FHIT: variants seen among roughly 807,000 people sequenced by gnomAD.
The protein encoded by FHIT is fragile histidine triad diadenosine triphosphatase.
A neutral mutation model predicts 17.9 loss-of-function variants in FHIT; 19 were observed. That is an observed-to-expected ratio of 1.06 (90% CI 0.74 to 1.56). FHIT has a LOEUF of 1.56. FHIT is among the 40% of genes most tolerant of loss of function. The pLI is 0.00. For synonymous variants in FHIT, 81 were observed against 69.7 expected, an observed-to-expected ratio of 1.16 and a Z score of -0.81; for missense variants, 248 against 189.2, an observed-to-expected ratio of 1.31 and a Z score of -1.82.
At chr3:60,785,738 T>G (rs894004328) in intron 4 of FHIT, among the ~76,000 whole-genome samples, 1 of 152,152 alleles carries the variant, frequency 6.6e-6, no homozygotes, top group Non-Finnish European at 1.5e-5. Context: ...TGATTTCAAT[T>G]CCACTTAAAG....
chr3:60,225,580 G>T lies in FHIT; in HGVS notation c.104-211428C>A, dbSNP rs528394384. ...CAAGACAGTCTGCACGCAGAATGGTGTGAGTAGGTTGTGTGGCTCCTGATG... is the reference window on the plus strand; with the variant it reads ...CAAGACAGTCTGCACGCAGAATGGTTTGAGTAGGTTGTGTGGCTCCTGATG... On this transcript the variant is annotated intron_variant, in intron 5 of 9. Coordinates refer to ENST00000492590, the MANE Select transcript of FHIT (RefSeq NM_002012.4). 2.0e-5 allele frequency among the ~76,000 whole-genome samples: 3 copies of T among 152,346 alleles called. No individual in the cohort carries two copies. In the East Asian group the frequency reaches 5.8e-4, roughly 29 times the overall value.
chr3:59,940,238 T>A (rs1441128329), intron 7 of FHIT, among the ~76,000 whole-genome samples: 1 of 152,226 alleles, frequency 6.6e-6, no homozygotes, highest in Non-Finnish European at 1.5e-5. Flanking sequence ...CAGCTATCAT[T>A]GCTGCTGCCG....
chr3:60,578,516 A>G (rs2037648789), intron 4 of FHIT, among the ~76,000 whole-genome samples: 1 of 151,904 alleles, frequency 6.6e-6, no homozygotes, highest in Non-Finnish European at 1.5e-5. Context: ...TATTCAACCT[A>G]TAGTTTATCA....
chr3:60,712,207 C>G (rs1454126717), intron 4 of FHIT, among the ~76,000 whole-genome samples: 4 of 152,104 alleles, frequency 2.6e-5, no homozygotes, highest in Non-Finnish European at 5.9e-5. Context: ...AAATAAAATC[C>G]TTTACAGACA....
chr3:59,823,654 A>G (rs1286171899), intron 8 of FHIT, among the ~76,000 whole-genome samples: 4 of 152,224 alleles, frequency 2.6e-5, no homozygotes, highest in Non-Finnish European at 2.9e-5. Context: ...GCATTGCTTT[A>G]TGATTAAAAC....
chr3:60,617,987 A>G, intron 4 of FHIT: 1 of 269,020 alleles, frequency 3.7e-6, no homozygotes, highest in Non-Finnish European at 7.5e-6. Context: ...TCAAAGAATT[A>G]GTAAATGCTG....
chr3:61,053,724 T>A (rs11922889), intron 2 of FHIT, among the ~76,000 whole-genome samples: 5 of 152,068 alleles, frequency 3.3e-5, no homozygotes, highest in African/African-American at 9.7e-5. Flanking sequence ...ATAGCTCATA[T>A]GGCCTTGGTA....
At chr3:59,996,394 T>G (rs1699512644) in intron 7 of FHIT, among the ~76,000 whole-genome samples, 1 of 152,074 alleles carries the variant, frequency 6.6e-6, no homozygotes. Context: ...ACTATTTAGT[T>G]GGAAGATAAC....
At chr3:59,925,020 CTCTT>C (rs1261288479) in intron 7 of FHIT, among the ~76,000 whole-genome samples, 2 of 132,278 alleles carry the variant, frequency 1.5e-5, no homozygotes, top group Non-Finnish European at 3.3e-5. Flanking sequence ...TTGTTTTTTC[CTCTT>C]TTTTTTCCTT....
intron 3 of FHIT, among the ~76,000 whole-genome samples, chr3:60,834,690 C>T (rs1702467206): frequency 6.7e-6 from 1 of 149,516 alleles, no homozygotes. Context: ...CCAGTCTCAA[C>T]TAAAAAGAAA....
At chr3:60,090,534 CATATA>C (rs1400557616) in intron 5 of FHIT, among the ~76,000 whole-genome samples, 3 of 152,190 alleles carry the variant, frequency 2.0e-5, no homozygotes, top group Non-Finnish European at 4.4e-5. Flanking sequence ...AGTGCCACAA[CATATA>C]ATATATCTCC....
intron 4 of FHIT, among the ~76,000 whole-genome samples, chr3:60,683,771 T>A (rs139570077): frequency 6.6e-6 from 1 of 152,318 alleles, no homozygotes; most frequent in East Asian, 1.9e-4. Flanking sequence ...CTTCAAGAAA[T>A]TCACTAGAGG....
rs142260661 is a variant in FHIT, at chr3:60,286,477, T to C, written c.103+250383A>G. ...GAATTGAATTTTTAAAAGAAGCACTTGTAGAGGACATTTTCAATATTAGTG... is the reference window on the plus strand; with the variant it reads ...GAATTGAATTTTTAAAAGAAGCACTCGTAGAGGACATTTTCAATATTAGTG... On this transcript the variant is annotated intron_variant, in intron 5 of 9. Coordinates refer to ENST00000492590, the MANE Select transcript of FHIT (RefSeq NM_002012.4). Among the ~76,000 whole-genome samples, 451 of 152,266 alleles carry C rather than the reference T, an allele frequency of 3.0e-3. 4 individuals are homozygous for C. Among genetic ancestry groups the C allele is most frequent in the African/African-American group, 0.011 (442 of 41,546 alleles).
rs530028911 is a variant in FHIT at position 61,208,511 on chromosome 3, A to G, written c.-212-7846T>C. On this transcript the variant is annotated intron_variant, in intron 1 of 9. Transcript: ENST00000492590. ...ATCTGGGTGCTCCTGTATTGGGTGC[A>G]TATATATTTAGGATAGTTAGCTCTT... is the stretch of plus-strand genomic sequence containing the variant. Among the ~76,000 whole-genome samples the G allele has an allele frequency of 5.0e-3, 764 of 152,208 alleles. 14 individuals carry two copies. The highest frequency in any genetic ancestry group is 0.018 in the African/African-American group (732 of 41,560).
chr3:59,756,456 C>T (rs1187947698), intron 8 of FHIT, among the ~76,000 whole-genome samples: 2 of 151,762 alleles, frequency 1.3e-5, no homozygotes, highest in African/African-American at 2.4e-5. Flanking sequence ...GTAGTCAATA[C>T]CCCAGGAGTA....
chr3:60,795,965 C>A (rs572042857), intron 4 of FHIT, among the ~76,000 whole-genome samples: 1 of 152,314 alleles, frequency 6.6e-6, no homozygotes, highest in East Asian at 1.9e-4. Flanking sequence ...ATTAGACTTA[C>A]AGTTCCACAT....
intron 8 of FHIT, among the ~76,000 whole-genome samples, chr3:59,819,182 C>G (rs778504624): frequency 5.9e-5 from 9 of 152,120 alleles, no homozygotes; most frequent in African/African-American, 2.2e-4. Flanking sequence ...GCAAAGAAAC[C>G]GTTCTTTTCT....
At chr3:60,445,930 G>A (rs1313946378) in intron 5 of FHIT, among the ~76,000 whole-genome samples, 1 of 152,112 alleles carries the variant, frequency 6.6e-6, no homozygotes, top group African/African-American at 2.4e-5. Context: ...AAAAGCCTGT[G>A]TTGATAACAT....
At chr3:60,173,913 ATATG>A (rs1365186510) in intron 5 of FHIT, among the ~76,000 whole-genome samples, 8 of 68,518 alleles carry the variant, frequency 1.2e-4, no homozygotes, top group Non-Finnish European at 1.6e-4. Context: ...ATATATATAT[ATATG>A]TTTTTTTTTT....
Sources: gnomAD v4.1 joint callset for allele counts (sites outside exome capture counted in the v4.1 genomes callset) on GRCh38, gnomAD v4.1.1 for gene constraint, MANE v1.5 for transcripts, NCBI Gene and HGNC (gene_info 2026-07-23, HGNC 2026-07-21) for gene names.